KDM4C: variants seen among roughly 807,000 people sequenced by gnomAD.
KDM4C encodes lysine-specific demethylase 4C.
In KDM4C, 81 loss-of-function variants were observed where a neutral mutation model predicts 129.3. The ratio of observed to expected loss-of-function variants is 0.63; its 90% CI spans 0.52 to 0.75. The LOEUF is 0.75. Ranked by LOEUF, KDM4C falls within the 30% of genes least tolerant of loss-of-function variation. KDM4C has a pLI of 0.00. For synonymous variants in KDM4C, 573 were observed against 456.1 expected (o/e 1.26, Z -3.26); for missense variants, 1,457 against 1,304.0 (o/e 1.12, Z -1.81).
At chr9:7,034,519 A>T (rs957996264) in intron 15 of KDM4C, among the ~76,000 whole-genome samples, 1 of 152,160 alleles carries the variant, frequency 6.6e-6, no homozygotes, top group African/African-American at 2.4e-5. Context: ...TGTTGTTGCA[A>T]ATGACAAGAT....
At chr9:7,008,410 T>C (rs1822070572) in intron 12 of KDM4C, among the ~76,000 whole-genome samples, 1 of 152,050 alleles carries the variant, frequency 6.6e-6, no homozygotes, top group Admixed American at 6.6e-5. Context: ...GCCTCAACAG[T>C]AGCCAGCATT....
At chr9:6,825,992 T>C (rs1246726918) in intron 4 of KDM4C, among the ~76,000 whole-genome samples, 2 of 152,070 alleles carry the variant, frequency 1.3e-5, no homozygotes, top group South Asian at 2.1e-4. Context: ...TTGTAGTTTT[T>C]GTAGAGACGG....
At chr9:7,072,310 C>T (rs527994041) in intron 17 of KDM4C, among the ~76,000 whole-genome samples, 21 of 152,276 alleles carry the variant, frequency 1.4e-4, no homozygotes, top group South Asian at 4.1e-4. Context: ...TAGGAATTTA[C>T]TTAAGAGAAA....
intron 9 of KDM4C, chr9:6,982,866 C>G (rs1023621936): frequency 1.3e-5 from 2 of 152,218 alleles, no homozygotes; most frequent in Admixed American, 6.5e-5. Flanking sequence ...ATCAATGGAA[C>G]TTGCTCACCT....
chr9:6,781,943 G>A (rs557971389), intron 1 of KDM4C, among the ~76,000 whole-genome samples: 3 of 151,784 alleles, frequency 2.0e-5, no homozygotes, highest in Non-Finnish European at 2.9e-5. Context: ...TCCTGCCTCA[G>A]CCTCCTCAGT....
rs571789235 is a variant in KDM4C, at chr9:7,018,239, G to C, written c.2259+2310G>C. Among the ~76,000 whole-genome samples the C allele has an allele frequency of 2.6e-5, 4 of 152,044 alleles. No homozygotes were observed. In the South Asian group the frequency reaches 8.3e-4, roughly 32 times the overall value. On this transcript the variant is annotated intron_variant, in intron 15 of 21. Transcript: ENST00000381309. Reference sequence around the variant, plus strand: ...TAGTGTAGGCAATTTTAACACAATGGTAAGTGTTCGTGTACCTAAACATAG... The same window carrying C: ...TAGTGTAGGCAATTTTAACACAATGCTAAGTGTTCGTGTACCTAAACATAG...
chr9:6,935,934 CAGTA>C (rs1563842594), intron 8 of KDM4C, among the ~76,000 whole-genome samples: 2 of 152,074 alleles, frequency 1.3e-5, no homozygotes, highest in African/African-American at 4.8e-5. Flanking sequence ...GAATAATAAA[CAGTA>C]AGAGTTTTAA....
Position 6,995,861 on chromosome 9 carries a change from T to C in KDM4C, c.1786+5337T>C, listed in dbSNP as rs185838585. On this transcript the variant is annotated intron_variant, in intron 12 of 21. Coordinates refer to ENST00000381309, the MANE Select transcript of KDM4C (RefSeq NM_015061.6). ...TAATTTTTTGTATTTTTGGTAGAGA[T>C]GGGGTTTCACTGTGTTAGCCAGGAT... Among the ~76,000 whole-genome samples the C allele has an allele frequency of 3.0e-3, 453 of 150,366 alleles. 2 individuals are homozygous for C. The highest frequency in any genetic ancestry group is 0.01 in the Middle Eastern group (3 of 294).
chr9:7,077,301 C>A, intron 17 of KDM4C: 1 of 887,758 alleles, frequency 1.1e-6, no homozygotes, highest in Non-Finnish European at 1.3e-6. Context: ...TGCGTATTTA[C>A]ATTGCTTTGG....
chr9:6,800,869 C>T (rs1204231038), intron 2 of KDM4C, among the ~76,000 whole-genome samples: 1 of 152,188 alleles, frequency 6.6e-6, no homozygotes, highest in African/African-American at 2.4e-5. Context: ...CTCTAGTTAT[C>T]CTCCAGCCTC....
In KDM4C at chr9:7,169,863, G is replaced by A; in HGVS notation, c.2967G>A (p.Glu989=). 1 of 1,614,018 alleles carries A rather than the reference G, an allele frequency of 6.2e-7. No individual in the cohort carries two copies. Among genetic ancestry groups the A allele is most frequent in the Non-Finnish European group, 8.5e-7 (1 of 1,179,906 alleles). Residue 989 remains glutamate, a synonymous_variant, in exon 21 of 22, where the codon GAG becomes GAA. Transcript: ENST00000381309. ...KREDIYTLDE[E]LPKRVKARFS... ...AGGACATCTACACTTTAGATGAAGA[G>A]TTACCCAAGAGAGTGAAAGCTCGAT...
At chr9:7,126,228 A>G (rs970494205) in intron 18 of KDM4C, among the ~76,000 whole-genome samples, 1 of 152,184 alleles carries the variant, frequency 6.6e-6, no homozygotes, top group Admixed American at 6.5e-5. Context: ...AGAAAATGAA[A>G]TAAAGATGGA....
At chr9:6,726,204 G>T (rs138852783) in intron 1 of KDM4C, among the ~76,000 whole-genome samples, 3,288 of 152,146 alleles carry the variant, frequency 0.022, 52 homozygotes, top group Non-Finnish European at 0.029. Context: ...GATTACAGGC[G>T]TGAGCCACCA....
At chr9:6,808,683 T>G (rs113307895) in intron 3 of KDM4C, among the ~76,000 whole-genome samples, 1 of 138,580 alleles carries the variant, frequency 7.2e-6, no homozygotes, top group Non-Finnish European at 1.5e-5. Context: ...CACCCAAGAA[T>G]TATCAATAAA....
At chr9:7,150,187 C>T (rs944296427) in intron 19 of KDM4C, among the ~76,000 whole-genome samples, 42 of 152,188 alleles carry the variant, frequency 2.8e-4, no homozygotes, top group African/African-American at 8.4e-4. Flanking sequence ...CACAGAGTGC[C>T]GCAGGAGCCG....
upstream of KDM4C, among the ~76,000 whole-genome samples, chr9:6,755,519 G>C (rs952635362): frequency 5.3e-5 from 8 of 152,204 alleles, no homozygotes; most frequent in African/African-American, 1.9e-4. Flanking sequence ...CTGCACTCCA[G>C]CCTGGGCAAC....
intron 8 of KDM4C, among the ~76,000 whole-genome samples, chr9:6,905,000 C>T (rs1818064964): frequency 6.6e-6 from 1 of 152,192 alleles, no homozygotes; most frequent in Non-Finnish European, 1.5e-5. Flanking sequence ...AAAATGCTAA[C>T]TGCAATAACC....
chr9:7,023,488 C>G (rs1280408613), intron 15 of KDM4C, among the ~76,000 whole-genome samples: 1 of 152,064 alleles, frequency 6.6e-6, no homozygotes, highest in African/African-American at 2.4e-5. Context: ...TATAATGTCT[C>G]CTTTTTCATC....
intron 15 of KDM4C, among the ~76,000 whole-genome samples, chr9:7,040,808 A>G (rs530551296): frequency 6.6e-6 from 1 of 150,976 alleles, no homozygotes; most frequent in Non-Finnish European, 1.5e-5. Context: ...TGATTTTAAG[A>G]TATGTTCTTT....
Sources: gnomAD v4.1 joint callset for allele counts (sites outside exome capture counted in the v4.1 genomes callset) on GRCh38, gnomAD v4.1.1 for gene constraint, MANE v1.5 for transcripts, NCBI Gene and HGNC (gene_info 2026-07-23, HGNC 2026-07-21) for gene names.